The following CWC22 variants were observed in gnomAD, a reference collection of about 807,000 sequenced individuals.
The protein encoded by CWC22 is CWC22 spliceosome associated protein.
Under a neutral mutation model 117.2 loss-of-function variants are expected in CWC22, and 53 were observed. That is an observed-to-expected ratio of 0.45 (90% CI 0.36 to 0.57). CWC22 has a LOEUF of 0.57. CWC22 is among the 20% of genes least tolerant of loss of function. CWC22 has a pLI of 0.00. For missense variants in CWC22, 980 were observed against 1,068.8 expected (o/e 0.92, Z 1.16); for synonymous variants, 360 against 355.6 (o/e 1.01, Z -0.14).
At position 179,971,000 on chromosome 2, in the gene CWC22, A is replaced by G. The variant is rs1460301977; in HGVS notation, c.881T>C (p.Ile294Thr). 1 of 1,612,504 alleles carries G rather than the reference A, an allele frequency of 6.2e-7. No individual in the cohort carries two copies. The highest frequency in any genetic ancestry group is 1.7e-5 in the Admixed American group (1 of 59,948). Residue 294 changes from isoleucine (I) to threonine (T), a missense_variant, in exon 9 of 20, where the codon ATT becomes ACT. Transcript: ENST00000410053. ...GAGGCCACATTCCTTAAGAAAACCAATAGCTACTTCAACGCTATCATCTGT... is the reference window on the plus strand; with the variant it reads ...GAGGCCACATTCCTTAAGAAAACCAGTAGCTACTTCAACGCTATCATCTGT... ...RPTDDSVEVA[I>T]GFLKECGLKL...
intron 11 of CWC22, among the ~76,000 whole-genome samples, chr2:179,967,070 C>T (rs956023559): frequency 3.9e-5 from 6 of 152,144 alleles, no homozygotes; most frequent in African/African-American, 1.4e-4. Context: ...ATGGCTTAGA[C>T]AGACTTTTAA....
Position 179,976,157 on chromosome 2 carries a change from C to G in CWC22, c.581+2033G>C, listed in dbSNP as rs1687147706. On this transcript the variant is annotated intron_variant, in intron 6 of 19. Coordinates refer to ENST00000410053, the MANE Select transcript of CWC22 (RefSeq NM_020943.3). ...CTAAGAAGACACAATAGGGAAAAGACAGTGTCTTCAATAAATGGTGCCAAG... is the reference window on the plus strand; with the variant it reads ...CTAAGAAGACACAATAGGGAAAAGAGAGTGTCTTCAATAAATGGTGCCAAG... Among the ~76,000 whole-genome samples, 3 of 152,134 alleles carry G rather than the reference C, an allele frequency of 2.0e-5. No individual in the cohort carries two copies. In the South Asian group the frequency reaches 6.2e-4, roughly 31 times the overall value.
rs368575430 is a variant in CWC22, at chr2:179,987,529, G to A, written c.96-724C>T. Among the ~76,000 whole-genome samples the A allele has an allele frequency of 2.9e-4, 44 of 152,134 alleles. No homozygotes were observed. In the South Asian group the frequency reaches 8.7e-3, roughly 30 times the overall value. On this transcript the variant is annotated intron_variant, in intron 3 of 19. Transcript: ENST00000410053. ...TTTGTTTTTAAATATATAGGGAGTA[G>A]ACAATCGGTGAAAGATAGTAAGTAA...
intron 15 of CWC22, 117 bp from the exon 16 acceptor site, chr2:179,954,474 CAT>C: frequency 1.6e-6 from 1 of 620,316 alleles, no homozygotes; most frequent in Non-Finnish European, 2.7e-6. Context: ...TTTCAAAGAG[CAT>C]ATATCACTAA....
chr2:179,967,314 C>T (rs1158744888), intron 11 of CWC22, among the ~76,000 whole-genome samples: 1 of 152,180 alleles, frequency 6.6e-6, no homozygotes. Flanking sequence ...TCTCATCTCT[C>T]CACTTTAGAC....
intron 13 of CWC22, among the ~76,000 whole-genome samples, chr2:179,961,633 T>C (rs948194492): frequency 1.3e-5 from 2 of 151,946 alleles, no homozygotes; most frequent in Non-Finnish European, 2.9e-5. Flanking sequence ...AATCCTGAAA[T>C]TTCTGAAAAA....
chr2:179,967,924 G>A (rs1007965338), intron 11 of CWC22, among the ~76,000 whole-genome samples: 3 of 152,100 alleles, frequency 2.0e-5, no homozygotes. Flanking sequence ...TCACTTTGGG[G>A]AAAACAACTA....
chr2:179,974,261 T>C (rs1687102289), intron 6 of CWC22, among the ~76,000 whole-genome samples: 1 of 152,232 alleles, frequency 6.6e-6, no homozygotes, highest in Admixed American at 6.5e-5. Flanking sequence ...TGGGTTTAAA[T>C]CTTTAAGTCT....
chr2:179,994,050 T>C (rs899218188), intron 1 of CWC22, among the ~76,000 whole-genome samples: 1 of 152,208 alleles, frequency 6.6e-6, no homozygotes, highest in Admixed American at 6.5e-5. Flanking sequence ...AGAATAAACC[T>C]AGTCATCAGC....
intron 14 of CWC22, among the ~76,000 whole-genome samples, chr2:179,958,440 C>A (rs548966302): frequency 9.2e-5 from 14 of 151,686 alleles, no homozygotes; most frequent in African/African-American, 3.4e-4. Flanking sequence ...GCAAAGAATG[C>A]GTTAGTCACA....
intron 7 of CWC22, 108 bp from the exon 8 acceptor site, chr2:179,973,354 G>T: frequency 1.3e-6 from 1 of 749,804 alleles, no homozygotes; most frequent in Non-Finnish European, 2.2e-6. Context: ...TACCACACAA[G>T]TATAATTTTT....
chr2:179,956,207 G>A (rs1189252748), intron 14 of CWC22, among the ~76,000 whole-genome samples: 2 of 151,834 alleles, frequency 1.3e-5, no homozygotes, highest in South Asian at 2.1e-4. Context: ...TCCAGAGGAG[G>A]ACTTAGAGCA....
At chr2:179,996,913 AAAC>A (rs1017262217) in intron 1 of CWC22, among the ~76,000 whole-genome samples, 3 of 152,122 alleles carry the variant, frequency 2.0e-5, no homozygotes, top group South Asian at 2.1e-4. Context: ...ATTAAACAAA[AAAC>A]AACAACTAAG....
chr2:179,988,637 G>A lies in CWC22; in HGVS notation c.35C>T (p.Ser12Phe). The A allele has an allele frequency of 6.7e-7, 1 of 1,501,056 alleles. No homozygotes were observed. Among genetic ancestry groups the A allele is most frequent in the Non-Finnish European group, 9.0e-7 (1 of 1,114,610 alleles). 93.0% of individuals were successfully genotyped at this position (1,501,056 alleles called of 1,614,324 possible). ...AAGGTTTTCCCTTCTGTCATGACCA[G>A]AAGAAGGCTTTAAAAGAGGAAAAGG... The part of the protein sequence containing the change: ...KSSVAQIKPS[S>F]GHDRRENLNS... Residue 12 changes from serine to phenylalanine, a missense_variant, in exon 3 of 20, where the codon TCT becomes TTT. Transcript: ENST00000410053.
chr2:179,988,924 A>AT (rs530517098), intron 2 of CWC22, among the ~76,000 whole-genome samples: 105 of 148,928 alleles, frequency 7.1e-4, no homozygotes, highest in African/African-American at 2.1e-3. Flanking sequence ...TTTTTATTTT[A>AT]TTTTTTATTT....
At chr2:179,973,857 C>A in intron 6 of CWC22, 55 bp from the exon 7 acceptor site, 1 of 1,035,396 alleles carries the variant, frequency 9.7e-7, no homozygotes, top group Non-Finnish European at 1.4e-6. Context: ...ATTAATTAAA[C>A]GAAACAAAAA....
At chr2:179,987,663 G>A (rs551488873) in intron 3 of CWC22, among the ~76,000 whole-genome samples, 2 of 152,198 alleles carry the variant, frequency 1.3e-5, no homozygotes, top group East Asian at 1.9e-4. Flanking sequence ...TAGACAACTG[G>A]AAGAAAGTTT....
chr2:179,961,726 C>A (rs1426885582), intron 13 of CWC22, among the ~76,000 whole-genome samples: 4 of 151,904 alleles, frequency 2.6e-5, no homozygotes, highest in Admixed American at 6.6e-5. Context: ...ATATGACAGT[C>A]TGTTTTTCCT....
chr2:179,997,675 C>T (rs779479785), intron 1 of CWC22, among the ~76,000 whole-genome samples: 9 of 152,128 alleles, frequency 5.9e-5, no homozygotes, highest in Non-Finnish European at 1.0e-4. Flanking sequence ...ACCTTTAAAC[C>T]CAGTGTTATT....
Sources: allele counts gnomAD v4.1 joint callset (sites outside exome capture counted in the v4.1 genomes callset), GRCh38; gene constraint gnomAD v4.1.1; transcripts MANE v1.5; gene names NCBI Gene and HGNC (gene_info 2026-07-23, HGNC 2026-07-21).